NALF1: variants seen among roughly 807,000 people sequenced by gnomAD.
NALF1 encodes the protein family with sequence similarity 155 member A.
In NALF1, 3 loss-of-function variants were observed where a neutral mutation model predicts 48.4. That is an observed-to-expected ratio of 0.06 (90% CI 0.03 to 0.16). NALF1 has a LOEUF of 0.16. Ranked by LOEUF, NALF1 falls within the 10% of genes least tolerant of loss-of-function variation. The pLI, the probability that NALF1 is intolerant of heterozygous loss-of-function variation, is 1.00. For synonymous variants in NALF1, 262 were observed against 245.7 expected, an observed-to-expected ratio of 1.07 and a Z score of -0.62; for missense variants, 526 against 571.5, an observed-to-expected ratio of 0.92 and a Z score of 0.81.
chr13:107,633,433 T>G (rs1394760029), intron 1 of NALF1, among the ~76,000 whole-genome samples: 1 of 151,928 alleles, frequency 6.6e-6, no homozygotes, highest in Non-Finnish European at 1.5e-5. Flanking sequence ...CAAGCTCAGT[T>G]TTTCTATCAT....
At chr13:107,305,212 G>A (rs1881911929) in intron 1 of NALF1, among the ~76,000 whole-genome samples, 1 of 152,100 alleles carries the variant, frequency 6.6e-6, no homozygotes, top group African/African-American at 2.4e-5. Context: ...TTGCTTTAGG[G>A]ACCCCCAAAA....
intron 1 of NALF1, among the ~76,000 whole-genome samples, chr13:107,441,941 A>C (rs530357834): frequency 6.6e-6 from 1 of 152,336 alleles, no homozygotes; most frequent in Admixed American, 6.5e-5. Context: ...AGAGAAAACA[A>C]TATAAATAAA....
intron 1 of NALF1, among the ~76,000 whole-genome samples, chr13:107,441,371 C>T (rs574328107): frequency 5.3e-5 from 8 of 152,212 alleles, no homozygotes; most frequent in East Asian, 3.9e-4. Flanking sequence ...ATTAAGGCAA[C>T]GTGAGGATCA....
intron 2 of NALF1, among the ~76,000 whole-genome samples, chr13:107,201,290 T>A (rs1266910376): frequency 6.6e-6 from 1 of 152,190 alleles, no homozygotes; most frequent in Non-Finnish European, 1.5e-5. Flanking sequence ...TTTCTCTAGC[T>A]CTTCACAGTT....
At chr13:107,783,197 T>G (rs1167476710) in intron 1 of NALF1, among the ~76,000 whole-genome samples, 7 of 75,090 alleles carry the variant, frequency 9.3e-5, no homozygotes, top group African/African-American at 1.0e-4. Context: ...AGGTGGGGGG[T>G]CAGTCCCCCG....
chr13:107,628,887 C>T (rs1177766877), intron 1 of NALF1, among the ~76,000 whole-genome samples: 2 of 152,218 alleles, frequency 1.3e-5, no homozygotes, highest in South Asian at 4.1e-4. Flanking sequence ...GCTCTTTCTT[C>T]GTGAATCTTT....
At chr13:107,787,210 C>G (rs1295470722) in intron 1 of NALF1, among the ~76,000 whole-genome samples, 1 of 151,924 alleles carries the variant, frequency 6.6e-6, no homozygotes, top group Non-Finnish European at 1.5e-5. Flanking sequence ...CTTTGTACAC[C>G]CATAACAGAA....
intron 1 of NALF1, among the ~76,000 whole-genome samples, chr13:107,749,019 G>A (rs531959220): frequency 6.6e-6 from 1 of 152,172 alleles, no homozygotes; most frequent in East Asian, 1.9e-4. Flanking sequence ...CTATCATTAT[G>A]CTTCCCCAGT....
intron 1 of NALF1, among the ~76,000 whole-genome samples, chr13:107,837,765 G>A (rs1469637863): frequency 6.6e-6 from 1 of 152,094 alleles, no homozygotes; most frequent in Non-Finnish European, 1.5e-5. Flanking sequence ...TGTGAGAAAA[G>A]ACATTTGACG....
rs572591183 is a variant in NALF1 at position 107,270,059 on chromosome 13, C to T, written c.916-59304G>A. On this transcript the variant is annotated intron_variant, in intron 1 of 2. Coordinates refer to ENST00000375915, the MANE Select transcript of NALF1 (RefSeq NM_001080396.3). Reference sequence around the variant, plus strand: ...TGCTGGGATTACAGGCGTGAGCCACCGCGCCTGGCCAGAAATATGTTTCTT... The same window carrying T: ...TGCTGGGATTACAGGCGTGAGCCACTGCGCCTGGCCAGAAATATGTTTCTT... Among the ~76,000 whole-genome samples, 453 of 151,510 alleles carry T rather than the reference C, an allele frequency of 3.0e-3. 1 individual carries two copies. The highest frequency in any genetic ancestry group is 0.01 in the African/African-American group (421 of 41,284).
At chr13:107,591,570 G>A (rs1391516742) in intron 1 of NALF1, among the ~76,000 whole-genome samples, 1 of 151,902 alleles carries the variant, frequency 6.6e-6, no homozygotes, top group Non-Finnish European at 1.5e-5. Context: ...CTCCAACTGA[G>A]TGAAATGTAA....
chr13:107,216,118 T>C (rs1879867948), intron 1 of NALF1, among the ~76,000 whole-genome samples: 1 of 152,230 alleles, frequency 6.6e-6, no homozygotes, highest in Non-Finnish European at 1.5e-5. Flanking sequence ...TTTGTAGCAT[T>C]TGTTGATACA....
In NALF1 at chr13:107,554,110, C is replaced by G. The variant is rs114443896; in HGVS notation, c.915+311572G>C. 2.1e-3 allele frequency among the ~76,000 whole-genome samples: 325 copies of G among 152,294 alleles called. 4 individuals are homozygous for G. Among genetic ancestry groups the G allele is most frequent in the African/African-American group, 7.6e-3 (316 of 41,566 alleles). On this transcript the variant is annotated intron_variant, in intron 1 of 2. Transcript: ENST00000375915. ...CTGTATGGGTAAGTGGGTGACATGACAGCAAGCTCCTGACACTACGTAGGG... is the reference window on the plus strand; with the variant it reads ...CTGTATGGGTAAGTGGGTGACATGAGAGCAAGCTCCTGACACTACGTAGGG...
chr13:107,308,349 C>T (rs1881980995), intron 1 of NALF1, among the ~76,000 whole-genome samples: 1 of 151,636 alleles, frequency 6.6e-6, no homozygotes, highest in East Asian at 1.9e-4. Context: ...CTAAAGGTAC[C>T]CGCCACCACG....
intron 1 of NALF1, among the ~76,000 whole-genome samples, chr13:107,229,827 C>T (rs1294568324): frequency 6.6e-6 from 1 of 152,184 alleles, no homozygotes; most frequent in East Asian, 1.9e-4. Context: ...GTAGGGGTTT[C>T]CCAGGTTCAC....
At chr13:107,746,955 C>T (rs888854508) in intron 1 of NALF1, among the ~76,000 whole-genome samples, 5 of 152,098 alleles carry the variant, frequency 3.3e-5, no homozygotes, top group Non-Finnish European at 4.4e-5. Context: ...GAAGAAGACA[C>T]AAGGAGAGAA....
intron 2 of NALF1, among the ~76,000 whole-genome samples, chr13:107,190,144 A>G (rs1258279816): frequency 6.6e-6 from 1 of 152,188 alleles, no homozygotes; most frequent in Non-Finnish European, 1.5e-5. Context: ...ATCCTTGGTA[A>G]CTACAACTCT....
intron 1 of NALF1, among the ~76,000 whole-genome samples, chr13:107,431,667 A>G (rs1884384075): frequency 6.6e-6 from 1 of 152,278 alleles, no homozygotes; most frequent in South Asian, 2.1e-4. Context: ...AGGACTTTGC[A>G]CTATTCCAGG....
At chr13:107,227,393 T>C (rs1271285623) in intron 1 of NALF1, among the ~76,000 whole-genome samples, 1 of 152,220 alleles carries the variant, frequency 6.6e-6, no homozygotes, top group Non-Finnish European at 1.5e-5. Flanking sequence ...AGACACAAAG[T>C]GTGCACAACT....
Sources: allele counts gnomAD v4.1 joint callset (sites outside exome capture counted in the v4.1 genomes callset), GRCh38; gene constraint gnomAD v4.1.1; transcripts MANE v1.5; gene names NCBI Gene and HGNC (gene_info 2026-07-23, HGNC 2026-07-21).